The following EPHA5 variants were observed in gnomAD, a reference collection of about 807,000 sequenced individuals.
EPHA5 encodes EPH receptor A5.
A neutral mutation model predicts 105.0 loss-of-function variants in EPHA5; 60 were observed. The observed-to-expected ratio is 0.57, with a 90% CI of 0.46 to 0.71. EPHA5 has a LOEUF of 0.71. Ranked by LOEUF, EPHA5 falls within the 30% of genes least tolerant of loss-of-function variation. EPHA5 has a pLI of 0.00. For synonymous variants in EPHA5, 513 were observed against 449.1 expected, an observed-to-expected ratio of 1.14 and a Z score of -1.80; for missense variants, 1,218 against 1,274.7, an observed-to-expected ratio of 0.96 and a Z score of 0.68.
chr4:65,333,148 C>G (rs1577833774), intron 15 of EPHA5, among the ~76,000 whole-genome samples: 1 of 151,428 alleles, frequency 6.6e-6, no homozygotes, highest in East Asian at 1.9e-4. Flanking sequence ...AAAAAAATGG[C>G]AAAAGGAAAC....
rs2149019872 is a variant in EPHA5, at chr4:65,414,388, T to C, written c.1583A>G (p.Glu528Gly). ...IKSKETTITA[E>G]GLKPASVYVF... ...ATAAACTGAAGCTGGTTTCAAGCCC[T>C]CTGCAGTAATAGTTGTCTCTTTAGA... Residue 528 changes from glutamate (E) to glycine (G), a missense_variant, in exon 7 of 17, where the codon GAG becomes GGG. Glu to Gly is a moderately conservative substitution (Grantham distance 98, BLOSUM62 -2). Transcript: ENST00000613740. 1 of 1,614,018 alleles carries C rather than the reference T, an allele frequency of 6.2e-7. No homozygotes were observed. The highest frequency in any genetic ancestry group is 8.5e-7 in the Non-Finnish European group (1 of 1,179,892).
intron 8 of EPHA5, among the ~76,000 whole-genome samples, chr4:65,382,353 GCCAGA>G (rs1037941535): frequency 7.9e-5 from 12 of 151,238 alleles, no homozygotes; most frequent in African/African-American, 2.7e-4. Flanking sequence ...ACTCTAATGG[GCCAGA>G]GATCATTATA....
intron 5 of EPHA5, among the ~76,000 whole-genome samples, chr4:65,448,529 T>A (rs1466543609): frequency 6.6e-6 from 1 of 152,174 alleles, no homozygotes; most frequent in African/African-American, 2.4e-5. Context: ...AGGCCTGTAG[T>A]CCCAGCTACT....
At chr4:65,508,979 T>C (rs1733337075) in intron 3 of EPHA5, among the ~76,000 whole-genome samples, 1 of 152,138 alleles carries the variant, frequency 6.6e-6, no homozygotes, top group Non-Finnish European at 1.5e-5. Flanking sequence ...TTAAAATGAA[T>C]CAAGCCATTT....
At chr4:65,476,121 A>AGT (rs1265229948) in intron 5 of EPHA5, among the ~76,000 whole-genome samples, 1,475 of 133,010 alleles carry the variant, frequency 0.011, 23 homozygotes, top group African/African-American at 0.034. Context: ...AGAGAGAGAG[A>AGT]GAGAGAGTGT....
In EPHA5 at chr4:65,335,966, T is replaced by C. The variant is rs200462532; in HGVS notation, c.2755A>G (p.Ser919Gly). 14 of 1,612,626 alleles carry C rather than the reference T, an allele frequency of 8.7e-6. No homozygotes were observed. The highest frequency in any genetic ancestry group is 1.2e-5 in the Non-Finnish European group (14 of 1,179,264). ...GCATTAACCAGCGTCTTCAGACTACTTGGGTTACGTATCAGCTTGTCCAAC... is the reference window on the plus strand; with the variant it reads ...GCATTAACCAGCGTCTTCAGACTACCTGGGTTACGTATCAGCTTGTCCAAC... The part of the protein sequence containing the change: ...NMLDKLIRNP[S>G]SLKTLVNASC... The change falls in exon 15 of 17, where the codon AGT becomes GGT. Residue 919 changes from serine to glycine, a missense_variant. Physicochemically the swap from Ser to Gly is moderately conservative, Grantham distance 56 (BLOSUM62 0). Transcript: ENST00000613740.
At chr4:65,397,028 T>A (rs999680240) in intron 8 of EPHA5, among the ~76,000 whole-genome samples, 2 of 152,152 alleles carry the variant, frequency 1.3e-5, no homozygotes, top group African/African-American at 4.8e-5. Flanking sequence ...CTGCTACAAA[T>A]GTGGCAAGCT....
At chr4:65,367,528 G>A (rs1577932879) in intron 8 of EPHA5, 104 bp from the exon 9 acceptor site, 1 of 998,956 alleles carries the variant, frequency 1.0e-6, no homozygotes, top group East Asian at 2.5e-5. Context: ...ACCCTAAACT[G>A]ATTTTCATAC....
Position 65,669,690 on chromosome 4 carries a change from C to T in EPHA5, c.53G>A (p.Gly18Asp), listed in dbSNP as rs1163511215. 1.5e-6 allele frequency: 2 copies of T among 1,313,600 alleles called. No homozygotes were observed. The highest frequency in any genetic ancestry group is 1.5e-5 in the African/African-American group (1 of 66,028). The allele number at this position is 1,313,600 out of a possible 1,614,324, so 81.4% of individuals were successfully genotyped here. ...GAGRRRPPSG[G>D]GDTPITPASL... is the part of the protein sequence containing the mutation. ...CGCTGGGGTGATGGGGGTGTCGCCG[C>T]CGCCGCTTGGGGGCCGCCGGCGTCC... The change falls in exon 1 of 17, where the codon GGC becomes GAC. Residue 18 changes from glycine (G) to aspartate (D), a missense_variant. Physicochemically the swap from Gly to Asp is moderately conservative, Grantham distance 94. Around this residue, in one of 3 missense-constraint regions of EPHA5, gnomAD observed 233 missense variants for 227.5 expected, o/e 1.02. Coordinates refer to ENST00000613740, the MANE Select transcript of EPHA5 (RefSeq NM_001281766.3).
At chr4:65,365,671 AT>A (rs1301340942) in intron 10 of EPHA5, among the ~76,000 whole-genome samples, 1 of 108,458 alleles carries the variant, frequency 9.2e-6, no homozygotes, top group East Asian at 2.6e-4. Context: ...ATATATATAT[AT>A]ATATATATAT....
At chr4:65,539,314 A>G (rs905089013) in intron 3 of EPHA5, among the ~76,000 whole-genome samples, 2 of 151,636 alleles carry the variant, frequency 1.3e-5, no homozygotes, top group Non-Finnish European at 3.0e-5. Flanking sequence ...ATGGACAGAT[A>G]AAACCAAGAC....
chr4:65,517,414 ATTTAT>A (rs1734210605), intron 3 of EPHA5, among the ~76,000 whole-genome samples: 1 of 151,864 alleles, frequency 6.6e-6, no homozygotes, highest in African/African-American at 2.4e-5. Context: ...CAGAATATTC[ATTTAT>A]TTTGAGTAAC....
At chr4:65,555,934 A>G (rs545124307) in intron 3 of EPHA5, among the ~76,000 whole-genome samples, 47 of 152,288 alleles carry the variant, frequency 3.1e-4, no homozygotes, top group African/African-American at 1.1e-3. Context: ...TGGAAAACAT[A>G]TAACAGCTTT....
chr4:65,330,471 T>A (rs1720503761), intron 16 of EPHA5: 1 of 246,006 alleles, frequency 4.1e-6, no homozygotes, highest in Non-Finnish European at 6.5e-6. Flanking sequence ...TTTGTAATTA[T>A]AACTATTTTT....
chr4:65,611,284 A>C (rs1034384582), intron 2 of EPHA5, among the ~76,000 whole-genome samples: 1 of 152,112 alleles, frequency 6.6e-6, no homozygotes, highest in Non-Finnish European at 1.5e-5. Flanking sequence ...TCTCAGTAAG[A>C]TGTAAATTGA....
At chr4:65,508,607 T>C (rs1733300498) in intron 3 of EPHA5, among the ~76,000 whole-genome samples, 1 of 152,118 alleles carries the variant, frequency 6.6e-6, no homozygotes, top group South Asian at 2.1e-4. Context: ...TTACATGTAG[T>C]ATAAAAAGCA....
At chr4:65,579,826 A>G (rs968329931) in intron 3 of EPHA5, among the ~76,000 whole-genome samples, 22 of 151,986 alleles carry the variant, frequency 1.4e-4, no homozygotes, top group Non-Finnish European at 2.1e-4. Flanking sequence ...GAGTTAGCCG[A>G]TCAATGTAAA....
intron 3 of EPHA5, among the ~76,000 whole-genome samples, chr4:65,584,667 A>G (rs74601048): frequency 1.3e-5 from 2 of 151,776 alleles, no homozygotes; most frequent in East Asian, 3.9e-4. Flanking sequence ...ATTTTAGTAC[A>G]TAACAATTTT....
chr4:65,603,143 T>TA (rs575799162), intron 2 of EPHA5, among the ~76,000 whole-genome samples: 29 of 152,060 alleles, frequency 1.9e-4, no homozygotes, highest in Admixed American at 5.9e-4. Flanking sequence ...ATACAGGACG[T>TA]AAAAAAAATT....
Sources: allele counts gnomAD v4.1 joint callset (sites outside exome capture counted in the v4.1 genomes callset), GRCh38; gene constraint gnomAD v4.1.1; regional missense constraint gnomAD v4.1.1; transcripts MANE v1.5; gene names NCBI Gene and HGNC (gene_info 2026-07-23, HGNC 2026-07-21).